DSTYK: variants seen among roughly 807,000 people sequenced by gnomAD.
The protein encoded by DSTYK is dual serine/threonine and tyrosine protein kinase.
Under a neutral mutation model 98.7 loss-of-function variants are expected in DSTYK, and 34 were observed. That is an observed-to-expected ratio of 0.34 (90% CI 0.26 to 0.46). The LOEUF (loss-of-function observed/expected upper bound fraction) is 0.46. DSTYK is among the 20% of genes least tolerant of loss of function. The pLI is 1.00. For synonymous variants in DSTYK, 462 were observed against 457.3 expected, an observed-to-expected ratio of 1.01 and a Z score of -0.13; for missense variants, 962 against 1,181.7, an observed-to-expected ratio of 0.81 and a Z score of 2.73.
chr1:205,172,301 G>GTT (rs111451734), intron 2 of DSTYK, among the ~76,000 whole-genome samples: 5 of 140,742 alleles, frequency 3.6e-5, no homozygotes, highest in Non-Finnish European at 4.7e-5. Flanking sequence ...TTTGTTTGTG[G>GTT]TTTTTTTTTT....
At chr1:205,181,653 G>GGGGGT (rs758360038) in intron 2 of DSTYK, among the ~76,000 whole-genome samples, 9 of 84,052 alleles carry the variant, frequency 1.1e-4, no homozygotes, top group South Asian at 9.3e-4. Context: ...CAGATGTTGG[G>GGGGGT]GTTTGTGTGT....
Position 205,147,674 on chromosome 1 carries a change from C to T in DSTYK, c.2674G>A (p.Asp892Asn), listed in dbSNP as rs774043987. The T allele has an allele frequency of 1.7e-5, 28 of 1,613,952 alleles. No homozygotes were observed. The highest frequency in any genetic ancestry group is 5.0e-5 in the Admixed American group (3 of 59,988). Reference sequence around the variant, plus strand: ...CCCAAGAGAGGCCTCTTCAAGGGGTCGCCATCCCAACAGGCTTCCATCAAC... The same window carrying T: ...CCCAAGAGAGGCCTCTTCAAGGGGTTGCCATCCCAACAGGCTTCCATCAAC... ...WQLMEACWDG[D>N]PLKRPLLGIV... Residue 892 changes from aspartate to asparagine, a missense_variant, in exon 13 of 13, where the codon GAC (aspartate) becomes AAC (asparagine). By Grantham distance (23) the Asp-to-Asn change is conservative. Around this residue, in one of 4 missense-constraint regions of DSTYK, gnomAD observed 65 missense variants for 63.9 expected, o/e 1.02. Transcript: ENST00000367162.
intron 1 of DSTYK, among the ~76,000 whole-genome samples, chr1:205,189,633 G>GCTA (rs1443607246): frequency 6.6e-6 from 1 of 152,194 alleles, no homozygotes; most frequent in Non-Finnish European, 1.5e-5. Context: ...AACCTACCTA[G>GCTA]CTACGATTTC....
chr1:205,163,654 G>A (rs1574759848), intron 4 of DSTYK, 69 bp downstream of exon 4: 1 of 1,265,060 alleles, frequency 7.9e-7, no homozygotes, highest in East Asian at 2.5e-5. Flanking sequence ...CTAATTTGAA[G>A]TGTGGACTTG....
intron 10 of DSTYK, among the ~76,000 whole-genome samples, chr1:205,151,653 T>C (rs1438558348): frequency 2.0e-5 from 3 of 149,412 alleles, no homozygotes; most frequent in Admixed American, 1.3e-4. Context: ...TTAGTAGAGA[T>C]TGGGGTCTTT....
intron 3 of DSTYK, among the ~76,000 whole-genome samples, chr1:205,165,754 T>C (rs1274840423): frequency 6.6e-6 from 1 of 152,228 alleles, no homozygotes; most frequent in Non-Finnish European, 1.5e-5. Context: ...TGATGATTAA[T>C]GCAGTACATT....
intron 2 of DSTYK, among the ~76,000 whole-genome samples, chr1:205,176,149 G>T (rs1223344332): frequency 3.9e-5 from 6 of 152,122 alleles, no homozygotes; most frequent in Non-Finnish European, 5.9e-5. Flanking sequence ...TACAGAAGTT[G>T]ATCTGTTACC....
At chr1:205,165,201 T>C (rs1574761924) in intron 3 of DSTYK, among the ~76,000 whole-genome samples, 1 of 152,140 alleles carries the variant, frequency 6.6e-6, no homozygotes, top group Non-Finnish European at 1.5e-5. Flanking sequence ...TCAAGTGATC[T>C]TGTGCCTCAG....
chr1:205,186,528 A>G (rs1215730165), intron 2 of DSTYK, among the ~76,000 whole-genome samples: 1 of 152,170 alleles, frequency 6.6e-6, no homozygotes, highest in Non-Finnish European at 1.5e-5. Context: ...AGGAAAGAAG[A>G]AACCACTCTT....
intron 2 of DSTYK, among the ~76,000 whole-genome samples, chr1:205,181,656 T>TGTG (rs1558616449): frequency 0.11 from 15,859 of 142,210 alleles, 1,152 homozygotes; most frequent in Non-Finnish European, 0.15. Context: ...ATGTTGGGGT[T>TGTG]TGTGTGTGTG....
At chr1:205,174,984 A>C (rs888570869) in intron 2 of DSTYK, among the ~76,000 whole-genome samples, 3 of 151,410 alleles carry the variant, frequency 2.0e-5, no homozygotes, top group Non-Finnish European at 2.9e-5. Flanking sequence ...TGATCCACTC[A>C]CCTTGGTCTC....
chr1:205,161,896 G>A (rs997186102), intron 6 of DSTYK, 140 bp downstream of exon 6: 32 of 658,504 alleles, frequency 4.9e-5, no homozygotes, highest in Non-Finnish European at 6.7e-5. Flanking sequence ...GTGTGTGTGT[G>A]TATATATATG....
chr1:205,187,954 T>C, intron 1 of DSTYK, 148 bp from the exon 2 acceptor site: 1 of 772,884 alleles, frequency 1.3e-6, no homozygotes, highest in South Asian at 2.0e-5. Flanking sequence ...GAAGGACATA[T>C]CAGGGAAAAA....
At chr1:205,181,366 T>G (rs1015732761) in intron 2 of DSTYK, among the ~76,000 whole-genome samples, 24 of 152,168 alleles carry the variant, frequency 1.6e-4, no homozygotes, top group African/African-American at 5.8e-4. Context: ...TGGGTTTGTT[T>G]TTTTTGAGAC....
intron 1 of DSTYK, among the ~76,000 whole-genome samples, chr1:205,208,254 A>C (rs1043782204): frequency 6.6e-6 from 1 of 152,318 alleles, no homozygotes. Context: ...AGAACTATAA[A>C]ATGTTAGAGG....
chr1:205,203,875 A>T (rs1659123146), intron 1 of DSTYK, among the ~76,000 whole-genome samples: 1 of 151,616 alleles, frequency 6.6e-6, no homozygotes, highest in African/African-American at 2.4e-5. Context: ...AGATCATGCC[A>T]CTGCACTCCA....
chr1:205,172,790 ACAC>A (rs1308229247), intron 2 of DSTYK, among the ~76,000 whole-genome samples: 19 of 152,106 alleles, frequency 1.2e-4, no homozygotes, highest in Non-Finnish European at 2.2e-4. Context: ...ATTTTAGCAA[ACAC>A]TACATAAGTC....
chr1:205,175,571 GA>G (rs1658204582), intron 2 of DSTYK, among the ~76,000 whole-genome samples: 1 of 152,176 alleles, frequency 6.6e-6, no homozygotes, highest in Non-Finnish European at 1.5e-5. Context: ...GCAGCAGTAC[GA>G]ATTAGGCTGG....
intron 1 of DSTYK, among the ~76,000 whole-genome samples, chr1:205,194,988 A>G (rs1658821913): frequency 6.7e-6 from 1 of 149,558 alleles, no homozygotes. Flanking sequence ...AAGTGCCACT[A>G]ATTTTTTTTT....
Sources: allele counts gnomAD v4.1 joint callset (sites outside exome capture counted in the v4.1 genomes callset), GRCh38; gene constraint gnomAD v4.1.1; regional missense constraint gnomAD v4.1.1; transcripts MANE v1.5; gene names NCBI Gene and HGNC (gene_info 2026-07-23, HGNC 2026-07-21).